RSF1: variants seen among roughly 807,000 people sequenced by gnomAD.
RSF1 encodes the protein HBV pX-associated protein 8.
A neutral mutation model predicts 145.2 loss-of-function variants in RSF1; 13 were observed. The observed-to-expected ratio is 0.09, with a 90% CI of 0.06 to 0.14. The LOEUF (loss-of-function observed/expected upper bound fraction) is 0.14. RSF1 is among the 10% of genes least tolerant of loss of function. The pLI, the probability that RSF1 is intolerant of heterozygous loss-of-function variation, is 1.00. For missense variants in RSF1, 1,517 were observed against 1,718.2 expected, an observed-to-expected ratio of 0.88 and a Z score of 2.07; for synonymous variants, 577 against 592.6, an observed-to-expected ratio of 0.97 and a Z score of 0.38.
In RSF1 at chr11:77,749,958, A is replaced by T. The variant is rs550104311; in HGVS notation, c.280-2830T>A. On this transcript the variant is annotated intron_variant, in intron 2 of 15. Coordinates refer to ENST00000308488, the MANE Select transcript of RSF1 (RefSeq NM_016578.4). ...GAGACGAGGTTTCACCATATTGGCC[A>T]GGCTGGTCTCGAATTCCTGACCTTG... Among the ~76,000 whole-genome samples, 13 of 152,234 alleles carry T rather than the reference A, an allele frequency of 8.5e-5. No homozygotes were observed. The Middle Eastern group carries it at 0.014, about 159-fold the overall frequency.
chr11:77,683,817 C>T lies in RSF1; in HGVS notation c.2958G>A (p.Glu986=). The T allele has an allele frequency of 3.7e-6, 6 of 1,607,218 alleles. No homozygotes were observed. The highest frequency in any genetic ancestry group is 5.1e-6 in the Non-Finnish European group (6 of 1,177,010). Reference sequence around the variant, plus strand: ...CTTCTTGATCTTCAGAAAAGTCTGGCTCCTTAAAAAATATGATAATAAGCA... The same window carrying T: ...CTTCTTGATCTTCAGAAAAGTCTGGTTCCTTAAAAAATATGATAATAAGCA... The part of the protein sequence containing the change: ...ISIENIIPPQ[E]PDFSEDQEEK... Residue 986 remains glutamate, a splice_region_variant and synonymous_variant, in exon 11 of 16, where the codon GAG becomes GAA. Transcript: ENST00000308488.
At chr11:77,763,360 T>G (rs1374507362) in intron 2 of RSF1, 1 of 143,034 alleles carries the variant, frequency 7.0e-6, no homozygotes, top group Non-Finnish European at 1.5e-5. Flanking sequence ...AAAAAAAAGA[T>G]TAAAAGAAGC....
At chr11:77,811,226 G>A (rs1259118675) in intron 1 of RSF1, among the ~76,000 whole-genome samples, 1 of 152,212 alleles carries the variant, frequency 6.6e-6, no homozygotes, top group Non-Finnish European at 1.5e-5. Flanking sequence ...GCCCACCACT[G>A]TACTAAGCTA....
At chr11:77,747,347 T>A (rs1948012616) in intron 2 of RSF1, among the ~76,000 whole-genome samples, 2 of 152,244 alleles carry the variant, frequency 1.3e-5, no homozygotes, top group South Asian at 4.1e-4. Flanking sequence ...GGGATCTCTG[T>A]AGCTCTCTCC....
chr11:77,819,370 C>T (rs1948815623), intron 1 of RSF1, among the ~76,000 whole-genome samples: 2 of 152,308 alleles, frequency 1.3e-5, no homozygotes, highest in African/African-American at 4.8e-5. Context: ...AGGCAGGGAT[C>T]GGGAATAAAT....
In RSF1 at chr11:77,667,035, C is replaced by T. The variant is rs1402505738; in HGVS notation, c.4208G>A (p.Ser1403Asn). The change falls in exon 16 of 16, where the codon AGC (serine) becomes AAC (asparagine). Residue 1403 changes from serine to asparagine, a missense_variant. Physicochemically the swap from Ser to Asn is conservative, Grantham distance 46 (BLOSUM62 1). Around this residue, in one of 12 missense-constraint regions of RSF1, gnomAD observed 240 missense variants for 231.8 expected, o/e 1.04. Coordinates refer to ENST00000308488, the MANE Select transcript of RSF1 (RefSeq NM_016578.4). ...ACCACTTGTCCCATTGGAGGCTAGG[C>T]TTGCACTGGCTGTGCTGTTGTCCTT... Reference protein sequence around the residue: ...TPKDNSTASASLASNGTSGGQ... With the variant: ...TPKDNSTASANLASNGTSGGQ... 3 of 1,613,848 alleles carry T rather than the reference C, an allele frequency of 1.9e-6. No individual in the cohort carries two copies. The highest frequency in any genetic ancestry group is 2.5e-6 in the Non-Finnish European group (3 of 1,179,830).
chr11:77,671,230 A>G (rs1332374953), intron 15 of RSF1, among the ~76,000 whole-genome samples: 2 of 138,990 alleles, frequency 1.4e-5, no homozygotes, highest in African/African-American at 5.3e-5. Context: ...ATATAATTTA[A>G]GTAAAACAAA....
intron 4 of RSF1, among the ~76,000 whole-genome samples, chr11:77,729,051 T>A (rs1010170495): frequency 6.6e-6 from 1 of 152,052 alleles, no homozygotes; most frequent in African/African-American, 2.4e-5. Flanking sequence ...GCTCCAAGGT[T>A]TTGGGCCTTA....
intron 5 of RSF1, among the ~76,000 whole-genome samples, chr11:77,711,463 T>C (rs1960682463): frequency 6.6e-6 from 1 of 151,940 alleles, no homozygotes; most frequent in African/African-American, 2.4e-5. Context: ...GGTCAGGAGT[T>C]TGAGACCAGC....
At chr11:77,673,656 C>T (rs767374426) in intron 14 of RSF1, among the ~76,000 whole-genome samples, 9 of 152,236 alleles carry the variant, frequency 5.9e-5, no homozygotes, top group Admixed American at 3.9e-4. Flanking sequence ...GAATTATCCA[C>T]AGGAACTAAA....
At chr11:77,813,985 G>A (rs1472392367) in intron 1 of RSF1, among the ~76,000 whole-genome samples, 2 of 152,104 alleles carry the variant, frequency 1.3e-5, no homozygotes, top group East Asian at 3.9e-4. Context: ...TGGATCACCT[G>A]AAGCCAGGAG....
At chr11:77,849,625 C>T in the RSF1 span, among the ~76,000 whole-genome samples, 1 of 152,158 alleles carries the variant, frequency 6.6e-6, no homozygotes, top group East Asian at 1.9e-4. Context: ...TCCCAAAGTG[C>T]TGGATCTGTT....
Position 77,676,788 on chromosome 11 carries a change from A to G in RSF1, c.3341+4T>C. 6.2e-7 allele frequency: 1 copy of G among 1,613,038 alleles called. No individual in the cohort carries two copies. Among genetic ancestry groups the G allele is most frequent in the South Asian group, 1.1e-5 (1 of 91,032 alleles). On this transcript the variant is annotated splice_donor_region_variant and intron_variant, in intron 13 of 15. Coordinates refer to ENST00000308488, the MANE Select transcript of RSF1 (RefSeq NM_016578.4). The stretch of plus-strand genomic sequence containing the variant: ...GGATCGGGGCCTAGTAGGAGACCAC[A>G]CACCCATCACTGATCTTGAATTCAT...
At position 77,702,371 on chromosome 11, in the gene RSF1, A is replaced by T; in HGVS notation, c.858T>A (p.Leu286=). 6.2e-7 allele frequency: 1 copy of T among 1,611,138 alleles called. No homozygotes were observed. Among genetic ancestry groups the T allele is most frequent in the East Asian group, 2.2e-5 (1 of 44,838 alleles). Residue 286 remains leucine (L), a synonymous_variant, in exon 6 of 16, where the codon CTT becomes CTA. Coordinates refer to ENST00000308488, the MANE Select transcript of RSF1 (RefSeq NM_016578.4). ...VKKEKEDEKE[L]VKLPVIVKLE... ...GCTTCACTATGACTGGCAGTTTCAC[A>T]AGTTCCTTTTCATCTTCTTTTTCTT...
At chr11:77,797,876 G>C (rs1948588561) in intron 1 of RSF1, among the ~76,000 whole-genome samples, 1 of 152,144 alleles carries the variant, frequency 6.6e-6, no homozygotes, top group South Asian at 2.1e-4. Flanking sequence ...CTCAAAAGAA[G>C]ACATTTATGC....
At chr11:77,706,323 T>A (rs2135860618) in intron 5 of RSF1, among the ~76,000 whole-genome samples, 1 of 152,170 alleles carries the variant, frequency 6.6e-6, no homozygotes, top group East Asian at 1.9e-4. Flanking sequence ...CTTGGCCAGC[T>A]GTGGGACCTT....
the RSF1 span, among the ~76,000 whole-genome samples, chr11:77,841,529 G>A: frequency 6.6e-6 from 1 of 152,340 alleles, no homozygotes. Context: ...GTACAGGGGA[G>A]TGCGTTCAAA....
At chr11:77,712,191 A>C (rs1248279944) in intron 5 of RSF1, among the ~76,000 whole-genome samples, 1 of 152,222 alleles carries the variant, frequency 6.6e-6, no homozygotes, top group East Asian at 1.9e-4. Context: ...AGATAACTGA[A>C]TCACGGGGGT....
chr11:77,695,415 C>T (rs1279668547), intron 7 of RSF1, among the ~76,000 whole-genome samples: 6 of 152,024 alleles, frequency 3.9e-5, no homozygotes, highest in Non-Finnish European at 1.5e-5. Flanking sequence ...TCTTCTTCCC[C>T]ACATTTGTTT....
Sources: allele counts gnomAD v4.1 joint callset (sites outside exome capture counted in the v4.1 genomes callset), GRCh38; gene constraint gnomAD v4.1.1; regional missense constraint gnomAD v4.1.1; transcripts MANE v1.5; gene names NCBI Gene and HGNC (gene_info 2026-07-23, HGNC 2026-07-21).